The following C10orf143 variants were observed in gnomAD, a reference collection of about 807,000 sequenced individuals.
C10orf143 encodes uncharacterized protein C10orf143.
intron 1 of C10orf143, among the ~76,000 whole-genome samples, chr10:130,090,690 A>G (rs1035658221): frequency 1.3e-5 from 2 of 148,198 alleles, no homozygotes; most frequent in Non-Finnish European, 3.0e-5. Flanking sequence ...CCAGCACAGC[A>G]GTATGAAGTC....
chr10:130,039,578 C>T (rs1860583880), intron 3 of C10orf143, among the ~76,000 whole-genome samples: 1 of 152,148 alleles, frequency 6.6e-6, no homozygotes, highest in African/African-American at 2.4e-5. Flanking sequence ...GATTTCAAGG[C>T]CTTTTCCAGA....
chr10:130,055,976 A>AAAAG (rs1564954897), intron 3 of C10orf143, among the ~76,000 whole-genome samples: 21 of 150,254 alleles, frequency 1.4e-4, no homozygotes, highest in African/African-American at 4.9e-4. Context: ...AAAAAAAAAA[A>AAAAG]AAAGAAAGAA....
chr10:130,103,270 C>G (rs566484794), intron 1 of C10orf143, among the ~76,000 whole-genome samples: 2 of 152,094 alleles, frequency 1.3e-5, no homozygotes, highest in African/African-American at 2.4e-5. Context: ...TGAGCTACCA[C>G]GCACAGCTGA....
chr10:130,050,815 C>T (rs1367630356), intron 3 of C10orf143, among the ~76,000 whole-genome samples: 2 of 152,200 alleles, frequency 1.3e-5, no homozygotes, highest in East Asian at 3.9e-4. Flanking sequence ...GATGTAAACC[C>T]TGGCGCCTCT....
chr10:130,100,392 T>G (rs1182541095), intron 1 of C10orf143, among the ~76,000 whole-genome samples: 1 of 151,406 alleles, frequency 6.6e-6, no homozygotes, highest in Non-Finnish European at 1.5e-5. Flanking sequence ...TAGCCAGGCG[T>G]GGTGGTGCGT....
chr10:130,074,558 A>G (rs1861084663), intron 3 of C10orf143, among the ~76,000 whole-genome samples: 1 of 151,920 alleles, frequency 6.6e-6, no homozygotes, highest in Non-Finnish European at 1.5e-5. Context: ...CCAGCTTGAC[A>G]CTCGGACCCG....
intron 3 of C10orf143, chr10:130,068,574 G>GCA (rs1283816544): frequency 1.1e-4 from 14 of 124,806 alleles, no homozygotes; most frequent in Non-Finnish European, 1.9e-4. Context: ...TCATGCCATT[G>GCA]CACTCCAGCG....
At chr10:130,066,146 A>T (rs1860929218) in intron 3 of C10orf143, 1 of 151,918 alleles carries the variant, frequency 6.6e-6, no homozygotes, top group Admixed American at 6.6e-5. Flanking sequence ...AAACGTGGGG[A>T]CAAAGAGCCA....
intron 3 of C10orf143, among the ~76,000 whole-genome samples, chr10:130,036,908 G>A (rs1445685896): frequency 6.6e-6 from 1 of 152,100 alleles, no homozygotes; most frequent in Non-Finnish European, 1.5e-5. Flanking sequence ...ACCAGGGGCT[G>A]CAACTAGGTG....
chr10:130,041,830 CACAT>C (rs1303282229), intron 3 of C10orf143, among the ~76,000 whole-genome samples: 1 of 151,850 alleles, frequency 6.6e-6, no homozygotes, highest in African/African-American at 2.4e-5. Flanking sequence ...CACACACACA[CACAT>C]GCATGTACAC....
chr10:130,101,864 C>A (rs2764368), intron 1 of C10orf143, among the ~76,000 whole-genome samples: 11,159 of 23,906 alleles, frequency 0.47, 2,112 homozygotes, highest in Non-Finnish European at 0.5. Context: ...AAAAAAAAAA[C>A]CAAAAAAAAA....
chr10:130,059,855 A>G (rs1444217710), downstream of C10orf143, among the ~76,000 whole-genome samples: 2 of 152,202 alleles, frequency 1.3e-5, no homozygotes, highest in East Asian at 1.9e-4. Context: ...AAACAAAATC[A>G]TCATGAAATT....
At chr10:130,105,513 C>T (rs1160060112) in intron 1 of C10orf143, among the ~76,000 whole-genome samples, 1 of 152,094 alleles carries the variant, frequency 6.6e-6, no homozygotes, top group East Asian at 1.9e-4. Flanking sequence ...GGCGGATCAC[C>T]TGAGGTCAGG....
chr10:130,057,549 T>C (rs538328919), intron 3 of C10orf143, among the ~76,000 whole-genome samples: 5 of 152,286 alleles, frequency 3.3e-5, no homozygotes, highest in Non-Finnish European at 7.4e-5. Context: ...CTCAAAAAAC[T>C]GCATAAAAAT....
intron 3 of C10orf143, among the ~76,000 whole-genome samples, chr10:130,042,021 G>A (rs192381864): frequency 2.6e-5 from 4 of 152,022 alleles, no homozygotes; most frequent in East Asian, 1.9e-4. Context: ...ATGCACACAC[G>A]TTCATACATA....
chr10:130,069,391 A>C (rs1435436914), intron 3 of C10orf143, among the ~76,000 whole-genome samples: 1 of 152,256 alleles, frequency 6.6e-6, no homozygotes, highest in Non-Finnish European at 1.5e-5. Context: ...AAACAAAAAC[A>C]GAAAATCTGT....
At chr10:130,102,775 T>C (rs999528648) in intron 1 of C10orf143, among the ~76,000 whole-genome samples, 11 of 152,212 alleles carry the variant, frequency 7.2e-5, no homozygotes, top group African/African-American at 1.2e-4. Context: ...TCTTGATGAA[T>C]TGACTTTTTT....
chr10:130,040,310 T>C (rs1039682655), intron 3 of C10orf143, among the ~76,000 whole-genome samples: 5 of 152,192 alleles, frequency 3.3e-5, no homozygotes, highest in Non-Finnish European at 7.3e-5. Context: ...TGTCCCCGTA[T>C]ATGGACAGAG....
intron 1 of C10orf143, chr10:130,106,241 G>A: frequency 6.9e-7 from 1 of 1,445,720 alleles, no homozygotes; most frequent in Middle Eastern, 1.8e-4. Context: ...TTTTAGATCG[G>A]TTAGGAGTCG....
Sources: allele counts gnomAD v4.1 joint callset (sites outside exome capture counted in the v4.1 genomes callset), GRCh38; gene constraint gnomAD v4.1.1; transcripts MANE v1.5; gene names NCBI Gene and HGNC (gene_info 2026-07-23, HGNC 2026-07-21).